CNTNAP2: variants seen among roughly 807,000 people sequenced by gnomAD.
CNTNAP2 encodes the protein contactin-associated protein-like 2.
CNTNAP2 carries 98 observed loss-of-function variants against 155.2 expected under a neutral mutation model. That is an observed-to-expected ratio of 0.63 (90% confidence interval 0.54 to 0.75). The LOEUF (loss-of-function observed/expected upper bound fraction) is 0.75, where lower values mean the gene tolerates loss of function less well. CNTNAP2 is among the 30% of genes least tolerant of loss of function. The pLI, the probability that CNTNAP2 is intolerant of heterozygous loss-of-function variation, is 0.00. For missense variants in CNTNAP2, 1,727 were observed against 1,688.1 expected (o/e 1.02, Z -0.40); for synonymous variants, 651 against 631.2 (o/e 1.03, Z -0.47).
intron 9 of CNTNAP2, among the ~76,000 whole-genome samples, chr7:147,382,099 A>G (rs1425492788): frequency 6.6e-6 from 1 of 152,186 alleles, no homozygotes; most frequent in African/African-American, 2.4e-5. Context: ...TTGTTTATAT[A>G]TGGCATAATA....
chr7:146,298,895 C>G (rs899014399), intron 1 of CNTNAP2, among the ~76,000 whole-genome samples: 2 of 152,100 alleles, frequency 1.3e-5, no homozygotes, highest in African/African-American at 4.8e-5. Flanking sequence ...GCTAGCACCT[C>G]CATTTGAGCT....
At chr7:148,061,953 A>T (rs1171967113) in intron 15 of CNTNAP2, among the ~76,000 whole-genome samples, 1 of 111,690 alleles carries the variant, frequency 9.0e-6, no homozygotes, top group Non-Finnish European at 1.8e-5. Context: ...AGATAAACAG[A>T]TATAGATAGA....
chr7:146,911,702 G>T (rs1248700136), intron 3 of CNTNAP2, among the ~76,000 whole-genome samples: 8 of 151,682 alleles, frequency 5.3e-5, no homozygotes, highest in African/African-American at 1.7e-4. Context: ...GTATACCTAA[G>T]GCTAGATGAC....
At chr7:147,420,389 T>G (rs879797658) in intron 10 of CNTNAP2, among the ~76,000 whole-genome samples, 1 of 152,216 alleles carries the variant, frequency 6.6e-6, no homozygotes, top group Non-Finnish European at 1.5e-5. Context: ...TCATTAAATA[T>G]TGCAGTGCTG....
intron 13 of CNTNAP2, among the ~76,000 whole-genome samples, chr7:147,699,114 C>A (rs1250156059): frequency 6.6e-6 from 1 of 151,036 alleles, no homozygotes; most frequent in African/African-American, 2.4e-5. Flanking sequence ...ATGCTTATAA[C>A]TTAATGTTTA....
At chr7:147,924,662 A>G (rs1256174526) in intron 14 of CNTNAP2, among the ~76,000 whole-genome samples, 1 of 152,148 alleles carries the variant, frequency 6.6e-6, no homozygotes, top group African/African-American at 2.4e-5. Flanking sequence ...TGTGATGGTT[A>G]AGAGAACTGA....
At chr7:146,675,862 C>A (rs577257610) in intron 1 of CNTNAP2, among the ~76,000 whole-genome samples, 1 of 151,740 alleles carries the variant, frequency 6.6e-6, no homozygotes, top group Middle Eastern at 3.4e-3. Flanking sequence ...CATTTGCTTT[C>A]CTTATCAATA....
chr7:146,638,476 C>CTTTCTTTTTTTTTTTTTTTTTTT lies in CNTNAP2; in HGVS notation c.98-135792_98-135791insCTTTTTTTTTTTTTTTTTTTTTT, dbSNP rs1383622498. ...AACAGTTTAATACAGTCAGGTGTTT[C>CTTTCTTTTTTTTTTTTTTTTTTT]TTTTTTTTTTTTTTTTTTTTTTCTT... On this transcript the variant is annotated intron_variant, in intron 1 of 23. Transcript: ENST00000361727. 4.7e-5 allele frequency among the ~76,000 whole-genome samples: 3 copies of CTTTCTTTTTTTTTTTTTTTTTTT among 64,364 alleles called. 1 individual carries two copies. The highest frequency in any genetic ancestry group is 5.3e-4 in the East Asian group (1 of 1,886). 42.2% of individuals were successfully genotyped at this position (64,364 alleles called of 152,430 possible).
chr7:148,395,976 C>T (rs1799458459), intron 22 of CNTNAP2, among the ~76,000 whole-genome samples: 1 of 152,166 alleles, frequency 6.6e-6, no homozygotes, highest in Non-Finnish European at 1.5e-5. Flanking sequence ...GAGGTTAGGA[C>T]TCTGTCCCGT....
chr7:146,944,883 AAAAAAG>A (rs199993382), intron 3 of CNTNAP2, among the ~76,000 whole-genome samples: 6,234 of 151,922 alleles, frequency 0.041, 142 homozygotes, highest in South Asian at 0.074. Flanking sequence ...GTCTAAAAAA[AAAAAAG>A]AAAAAGAAAA....
chr7:147,231,948 T>C (rs545303795), intron 8 of CNTNAP2, among the ~76,000 whole-genome samples: 1 of 152,364 alleles, frequency 6.6e-6, no homozygotes, highest in South Asian at 2.1e-4. Context: ...TTTAGTTTTA[T>C]ATAGTCCTGC....
intron 1 of CNTNAP2, among the ~76,000 whole-genome samples, chr7:146,402,165 T>C (rs1273590166): frequency 2.0e-5 from 3 of 152,164 alleles, no homozygotes; most frequent in Non-Finnish European, 4.4e-5. Context: ...TCTTAATAGA[T>C]GAGTGTGCGT....
rs550815946 is a variant in CNTNAP2 at position 148,219,101 on chromosome 7, C to A, written c.3247+1577C>A. On this transcript the variant is annotated intron_variant, in intron 19 of 23. Coordinates refer to ENST00000361727, the MANE Select transcript of CNTNAP2 (RefSeq NM_014141.6). Reference sequence around the variant, plus strand: ...GTGATTACAGGCCTGCACCACCACGCCTGGCTAATTTTTGTATTTTTAGTA... The same window carrying A: ...GTGATTACAGGCCTGCACCACCACGACTGGCTAATTTTTGTATTTTTAGTA... Among the ~76,000 whole-genome samples, 204 of 151,972 alleles carry A rather than the reference C, an allele frequency of 1.3e-3. 1 individual carries two copies. Among genetic ancestry groups the A allele is most frequent in the African/African-American group, 4.9e-3 (202 of 41,428 alleles).
chr7:147,684,022 A>G (rs528978250), intron 13 of CNTNAP2, among the ~76,000 whole-genome samples: 1 of 151,890 alleles, frequency 6.6e-6, no homozygotes, highest in South Asian at 2.1e-4. Context: ...ATTCCTGACA[A>G]AAACTTAAAA....
At chr7:147,283,261 A>G (rs1805086797) in intron 8 of CNTNAP2, among the ~76,000 whole-genome samples, 1 of 151,724 alleles carries the variant, frequency 6.6e-6, no homozygotes, top group African/African-American at 2.4e-5. Flanking sequence ...TTATTATTTT[A>G]TTTTGTTGAC....
At chr7:146,543,088 A>G (rs1204224121) in intron 1 of CNTNAP2, among the ~76,000 whole-genome samples, 2 of 151,942 alleles carry the variant, frequency 1.3e-5, no homozygotes, top group Non-Finnish European at 2.9e-5. Flanking sequence ...TGATAAAACT[A>G]TGTCAGATAA....
At chr7:146,208,793 T>C (rs1390382987) in intron 1 of CNTNAP2, 1 of 152,106 alleles carries the variant, frequency 6.6e-6, no homozygotes, top group Non-Finnish European at 1.5e-5. Flanking sequence ...GCTGTGGGTT[T>C]CATTTCTTAA....
At chr7:147,917,396 A>C (rs1043109186) in intron 14 of CNTNAP2, among the ~76,000 whole-genome samples, 2 of 152,234 alleles carry the variant, frequency 1.3e-5, no homozygotes, top group Non-Finnish European at 2.9e-5. Context: ...CCATGCATGT[A>C]AAGGAAGTCC....
At chr7:146,149,634 A>G (rs146353653) in intron 1 of CNTNAP2, among the ~76,000 whole-genome samples, 36 of 152,266 alleles carry the variant, frequency 2.4e-4, no homozygotes, top group African/African-American at 7.7e-4. Context: ...AAAGGCACCA[A>G]AGTGATGTAA....
Sources: allele counts gnomAD v4.1 joint callset (sites outside exome capture counted in the v4.1 genomes callset), GRCh38; gene constraint gnomAD v4.1.1; transcripts MANE v1.5; gene names NCBI Gene and HGNC (gene_info 2026-07-23, HGNC 2026-07-21).